Variants in NALCN observed in about 807,000 individuals in gnomAD.
The protein encoded by NALCN is sodium leak channel, non-selective.
Under a neutral mutation model 225.3 loss-of-function variants are expected in NALCN, and 111 were observed. The observed-to-expected ratio is 0.49, with a 90% CI of 0.42 to 0.58. The LOEUF is 0.58. Among genes scored for constraint, NALCN ranks in the 20% least tolerant of loss-of-function variants. The pLI is 0.00. For synonymous variants in NALCN, 764 were observed against 769.0 expected (o/e 0.99, Z 0.11); for missense variants, 1,378 against 2,202.4 (o/e 0.63, Z 7.49).
chr13:101,409,837 C>G (rs2047728287), intron 1 of NALCN, among the ~76,000 whole-genome samples: 1 of 152,168 alleles, frequency 6.6e-6, no homozygotes, highest in South Asian at 2.1e-4. Flanking sequence ...TATGAATTAT[C>G]AAGGGAGGTT....
chr13:101,137,397 T>C (rs1393461764), intron 17 of NALCN, among the ~76,000 whole-genome samples: 1 of 152,136 alleles, frequency 6.6e-6, no homozygotes, highest in Non-Finnish European at 1.5e-5. Context: ...CTCTCTCTTT[T>C]AAGGTGAACA....
chr13:101,213,378 T>C (rs955033197), intron 13 of NALCN, among the ~76,000 whole-genome samples: 16 of 152,282 alleles, frequency 1.1e-4, no homozygotes, highest in African/African-American at 3.8e-4. Context: ...ATTCAGGATA[T>C]AGGCATGGGC....
intron 7 of NALCN, among the ~76,000 whole-genome samples, chr13:101,331,152 C>T (rs2045156506): frequency 6.6e-6 from 1 of 151,980 alleles, no homozygotes; most frequent in Non-Finnish European, 1.5e-5. Flanking sequence ...AAAATGAGCT[C>T]ATAGCCAGTG....
At chr13:101,093,306 C>T (rs933799334) in intron 28 of NALCN, among the ~76,000 whole-genome samples, 3 of 152,172 alleles carry the variant, frequency 2.0e-5, no homozygotes, top group Non-Finnish European at 2.9e-5. Context: ...CAAAGCATTC[C>T]TCTAGTGTAT....
At chr13:101,340,460 A>G (rs574591048) in intron 7 of NALCN, among the ~76,000 whole-genome samples, 1 of 152,212 alleles carries the variant, frequency 6.6e-6, no homozygotes, top group African/African-American at 2.4e-5. Flanking sequence ...ACACAGAGAT[A>G]CATTCATATT....
At position 101,089,638 on chromosome 13, in the gene NALCN, T is replaced by C. The variant is rs1250348021; in HGVS notation, c.3489+25A>G. 6.2e-7 allele frequency: 1 copy of C among 1,605,226 alleles called. No individual in the cohort carries two copies. Among genetic ancestry groups the C allele is most frequent in the South Asian group, 1.1e-5 (1 of 90,786 alleles). On this transcript the variant is annotated intron_variant, in intron 30 of 43. Transcript: ENST00000251127. The surrounding 1 kb of genome is among the most constrained non-coding windows in gnomAD (Gnocchi z 4.7). ...AGTGGCTAGAAAAGGCTAAACCCTG[T>C]GGTATCCAAACCAAAAATCCTTACC...
intron 11 of NALCN, among the ~76,000 whole-genome samples, chr13:101,250,413 A>C (rs2140189828): frequency 6.6e-6 from 1 of 152,214 alleles, no homozygotes; most frequent in East Asian, 1.9e-4. Context: ...CATGTTATCA[A>C]CTAAAGCTTT....
At chr13:101,262,841 G>GT (rs1181093550) in intron 10 of NALCN, among the ~76,000 whole-genome samples, 4 of 152,050 alleles carry the variant, frequency 2.6e-5, no homozygotes, top group Admixed American at 2.6e-4. Flanking sequence ...TTAAACCTCT[G>GT]TTTTCTCATT....
chr13:101,287,594 C>T (rs1234317849), intron 9 of NALCN, among the ~76,000 whole-genome samples: 3 of 151,738 alleles, frequency 2.0e-5, no homozygotes, highest in East Asian at 3.9e-4. Flanking sequence ...TAGACTAGTG[C>T]AGATCTCAAT....
At chr13:101,090,845 T>C (rs1347614745) in intron 28 of NALCN, among the ~76,000 whole-genome samples, 2 of 152,140 alleles carry the variant, frequency 1.3e-5, no homozygotes, top group East Asian at 3.9e-4. Context: ...ACAGGTAATT[T>C]TTCCAACCTA....
intron 6 of NALCN, among the ~76,000 whole-genome samples, chr13:101,370,045 T>A (rs1295841444): frequency 6.6e-6 from 1 of 152,200 alleles, no homozygotes; most frequent in Non-Finnish European, 1.5e-5. Context: ...CATGTTAATA[T>A]TATCTGTCTA....
Position 101,378,874 on chromosome 13 carries a change from T to G in NALCN, c.292-221A>C, listed in dbSNP as rs540735469. 2.0e-5 allele frequency among the ~76,000 whole-genome samples: 3 copies of G among 151,662 alleles called. No individual in the cohort carries two copies. In the East Asian group the frequency reaches 5.8e-4, roughly 29 times the overall value. The stretch of plus-strand genomic sequence containing the variant: ...GCAACTTTGCAGGTAAAATATTTAA[T>G]TCATGCAAAGGGAAAATATCACTAT... On this transcript the variant is annotated intron_variant, in intron 3 of 43. Transcript: ENST00000251127.
intron 40 of NALCN, among the ~76,000 whole-genome samples, chr13:101,064,148 G>A (rs1252767299): frequency 1.3e-5 from 2 of 152,148 alleles, no homozygotes; most frequent in African/African-American, 4.8e-5. Context: ...TGTCAGTCAA[G>A]GCAGTCAGTT....
intron 7 of NALCN, among the ~76,000 whole-genome samples, chr13:101,293,804 G>A (rs548034274): frequency 3.3e-5 from 5 of 152,238 alleles, no homozygotes; most frequent in African/African-American, 9.6e-5. Context: ...CAGTCCTATC[G>A]CCTATTATGC....
Position 101,171,042 on chromosome 13 carries a change from A to C in NALCN, c.1839+5258T>G, listed in dbSNP as rs545052422. Among the ~76,000 whole-genome samples, 29 of 152,066 alleles carry C rather than the reference A, an allele frequency of 1.9e-4. 1 individual carries two copies. In the South Asian group the frequency reaches 6.0e-3, roughly 32 times the overall value. On this transcript the variant is annotated intron_variant, in intron 15 of 43. Coordinates refer to ENST00000251127, the MANE Select transcript of NALCN (RefSeq NM_052867.4). ...CATCACTTGAGCTTCACAGTCATCA[A>C]CTCTTCCGTTCAGAGAAGTTTTAGG... is the stretch of plus-strand genomic sequence containing the variant.
chr13:101,107,311 C>G (rs979616927), intron 22 of NALCN, among the ~76,000 whole-genome samples, 176 bp downstream of exon 22: 3 of 152,186 alleles, frequency 2.0e-5, no homozygotes, highest in African/African-American at 7.2e-5. Context: ...TAACTACTTG[C>G]GACCTTTGTT....
intron 13 of NALCN, among the ~76,000 whole-genome samples, chr13:101,212,160 T>C (rs994176937): frequency 6.6e-6 from 1 of 152,130 alleles, no homozygotes; most frequent in African/African-American, 2.4e-5. Context: ...GTTTTTCTTA[T>C]ATGGAATGCC....
intron 28 of NALCN, among the ~76,000 whole-genome samples, chr13:101,094,057 A>C (rs182904605): frequency 7.4e-4 from 113 of 152,308 alleles, no homozygotes; most frequent in African/African-American, 2.5e-3. Flanking sequence ...GGAGTGCCTC[A>C]TTGCACCTTT....
chr13:101,124,652 T>C lies in NALCN; in HGVS notation c.2148A>G (p.Ala716=), dbSNP rs1034579315. The C allele has an allele frequency of 6.2e-7, 1 of 1,614,112 alleles. No homozygotes were observed. Among genetic ancestry groups the C allele is most frequent in the South Asian group, 1.1e-5 (1 of 91,062 alleles). The part of the protein sequence containing the change: ...KLRKSVFSIR[A]RNLLEKETAV... ...CGGTCTCCTTTTCCAGAAGGTTCCT[T>C]GCCCTGATGCTGAAAACAGACTTGC... Residue 716 remains alanine, a synonymous_variant, in exon 18 of 44, where the codon GCA becomes GCG. Coordinates refer to ENST00000251127, the MANE Select transcript of NALCN (RefSeq NM_052867.4).
Sources: allele counts gnomAD v4.1 joint callset (sites outside exome capture counted in the v4.1 genomes callset), GRCh38; gene constraint gnomAD v4.1.1; non-coding constraint Gnocchi (gnomAD v3.1); transcripts MANE v1.5; gene names NCBI Gene and HGNC (gene_info 2026-07-23, HGNC 2026-07-21).